PTK2: variants seen among roughly 807,000 people sequenced by gnomAD.
PTK2 encodes the protein protein tyrosine kinase 2, also known as focal adhesion kinase 1.
Under a neutral mutation model 150.1 loss-of-function variants are expected in PTK2, and 45 were observed. The ratio of observed to expected loss-of-function variants is 0.30; its 90% CI spans 0.24 to 0.38. PTK2 has a LOEUF of 0.38. Among genes scored for constraint, PTK2 ranks in the 10% least tolerant of loss-of-function variants. The probability of loss-of-function intolerance (pLI) is 1.00; values close to 1 mark genes in which losing one functional copy is unlikely to be tolerated. For missense variants in PTK2, 919 were observed against 1,307.3 expected, an observed-to-expected ratio of 0.70 and a Z score of 4.58; for synonymous variants, 432 against 449.2, an observed-to-expected ratio of 0.96 and a Z score of 0.48.
At chr8:140,804,412 C>T (rs2100097108) in intron 10 of PTK2, among the ~76,000 whole-genome samples, 1 of 151,296 alleles carries the variant, frequency 6.6e-6, no homozygotes. Flanking sequence ...ATAGTGAGAC[C>T]CTTTCTCTAC....
rs1011479233 is a variant in PTK2 at position 140,957,301 on chromosome 8, G to A, written c.-121-31552C>T. 3.9e-5 allele frequency among the ~76,000 whole-genome samples: 6 copies of A among 152,172 alleles called. No homozygotes were observed. The East Asian group carries it at 5.8e-4, about 15-fold the overall frequency. The stretch of plus-strand genomic sequence containing the variant: ...AAATTAGCTGGGCATGGTGGCACAC[G>A]CATGTAGTCTCAGCTACTTGGGAAG... On this transcript the variant is annotated intron_variant, in intron 1 of 31. Coordinates refer to ENST00000522684, the Ensembl canonical transcript of PTK2.
At chr8:140,717,514 C>T in intron 23 of PTK2, 84 bp downstream of exon 26, 1 of 1,039,722 alleles carries the variant, frequency 9.6e-7, no homozygotes, top group Middle Eastern at 2.0e-4. Flanking sequence ...ATTTGACTTT[C>T]TCCTCATAGA....
intron 2 of PTK2, among the ~76,000 whole-genome samples, chr8:140,909,856 T>C (rs879796974): frequency 2.6e-5 from 4 of 152,210 alleles, no homozygotes; most frequent in Admixed American, 2.0e-4. Flanking sequence ...CATATCTTTA[T>C]GAATGCTTGT....
chr8:140,836,623 T>C lies in PTK2; in HGVS notation c.594-6097A>G, dbSNP rs754512793. 1.9e-3 allele frequency among the ~76,000 whole-genome samples: 297 copies of C among 152,320 alleles called. 7 individuals carry two copies. The highest frequency in any genetic ancestry group is 1.5e-4 in the Non-Finnish European group (10 of 68,032). ...GTAGCTAAAGGATGCAATTGACTAC[T>C]GTTGACAAGAAAAATGAAAACAAGT... is the stretch of plus-strand genomic sequence containing the variant. On this transcript the variant is annotated intron_variant, in intron 7 of 31. Coordinates refer to ENST00000522684, the Ensembl canonical transcript of PTK2.
intron 2 of PTK2, among the ~76,000 whole-genome samples, chr8:140,903,572 G>A (rs758481848): frequency 6.6e-6 from 1 of 152,052 alleles, no homozygotes; most frequent in Non-Finnish European, 1.5e-5. Flanking sequence ...GGACAGCATC[G>A]AATCTATAAA....
At chr8:140,825,282 C>T (rs1055974884) in intron 8 of PTK2, among the ~76,000 whole-genome samples, 5 of 152,300 alleles carry the variant, frequency 3.3e-5, no homozygotes, top group African/African-American at 1.2e-4. Context: ...TCCTGGCATA[C>T]AGCAGATAAC....
chr8:140,824,799 G>A (rs2100110904), intron 8 of PTK2, among the ~76,000 whole-genome samples: 2 of 152,200 alleles, frequency 1.3e-5, no homozygotes, highest in Non-Finnish European at 2.9e-5. Flanking sequence ...TGCATTTCAA[G>A]TTTGAACACC....
At chr8:140,723,509 A>C (rs1012380112) in intron 22 of PTK2, among the ~76,000 whole-genome samples, 3 of 152,236 alleles carry the variant, frequency 2.0e-5, no homozygotes, top group Non-Finnish European at 4.4e-5. Context: ...GACAGTACTG[A>C]ACTTTTCTCT....
At chr8:140,987,157 CAAAAA>C (rs1015158262) in intron 1 of PTK2, among the ~76,000 whole-genome samples, 1 of 151,958 alleles carries the variant, frequency 6.6e-6, no homozygotes, top group African/African-American at 2.4e-5. Flanking sequence ...TCTCAAAACC[CAAAAA>C]AATGGAGGAA....
At chr8:141,000,087 T>TCTCACACACACA (rs765058833) in intron 1 of PTK2, among the ~76,000 whole-genome samples, 2 of 81,608 alleles carry the variant, frequency 2.5e-5, no homozygotes, top group African/African-American at 7.1e-5. Flanking sequence ...TGAAACCAAT[T>TCTCACACACACA]CACACACACA....
chr8:140,785,688 C>T (rs1340345124), intron 14 of PTK2, among the ~76,000 whole-genome samples: 2 of 152,094 alleles, frequency 1.3e-5, no homozygotes, highest in Non-Finnish European at 2.9e-5. Flanking sequence ...TCAAATTGCT[C>T]ATGACAGGCA....
At chr8:140,742,236 A>G (rs1414808638) in intron 20 of PTK2, among the ~76,000 whole-genome samples, 1 of 152,214 alleles carries the variant, frequency 6.6e-6, no homozygotes, top group African/African-American at 2.4e-5. Context: ...CACTGAGGCA[A>G]TCAATACAAC....
At chr8:140,796,981 T>C (rs1276104936) in intron 12 of PTK2, among the ~76,000 whole-genome samples, 1 of 152,172 alleles carries the variant, frequency 6.6e-6, no homozygotes, top group Non-Finnish European at 1.5e-5. Context: ...CATTTATTAA[T>C]TTTTGCTCAT....
At chr8:140,911,731 T>C (rs2100163261) in intron 2 of PTK2, among the ~76,000 whole-genome samples, 1 of 117,110 alleles carries the variant, frequency 8.5e-6, no homozygotes, top group African/African-American at 2.6e-5. Flanking sequence ...ACTATTGCTA[T>C]CACTATAATG....
intron 12 of PTK2, among the ~76,000 whole-genome samples, chr8:140,797,708 T>C (rs1310503892): frequency 1.3e-5 from 2 of 152,218 alleles, no homozygotes; most frequent in Non-Finnish European, 2.9e-5. Context: ...GGTTAGATAA[T>C]GCCCTACAGA....
At chr8:140,997,497 G>A (rs532010138) in intron 1 of PTK2, among the ~76,000 whole-genome samples, 1 of 152,304 alleles carries the variant, frequency 6.6e-6, no homozygotes, top group East Asian at 1.9e-4. Flanking sequence ...CCTAATTGTT[G>A]TCTTATTTTA....
At chr8:140,921,365 T>C (rs2154608283) in intron 2 of PTK2, 1 of 171,478 alleles carries the variant, frequency 5.8e-6, no homozygotes, top group Middle Eastern at 2.5e-3. Context: ...CAACCGATTC[T>C]AAAATTGAGT....
At chr8:140,681,402 C>G (rs749123845) in intron 27 of PTK2, among the ~76,000 whole-genome samples, 7 of 151,082 alleles carry the variant, frequency 4.6e-5, no homozygotes, top group Non-Finnish European at 8.8e-5. Context: ...CCTAACATCA[C>G]GCCCTGAGGA....
At chr8:140,706,362 C>A (rs951901834) in intron 23 of PTK2, among the ~76,000 whole-genome samples, 157 bp from the exon 27 acceptor site, 4 of 152,184 alleles carry the variant, frequency 2.6e-5, no homozygotes, top group African/African-American at 9.7e-5. Context: ...GTCTTTTCAA[C>A]AAATGATGCT....
Sources: allele counts gnomAD v4.1 joint callset (sites outside exome capture counted in the v4.1 genomes callset), GRCh38; gene constraint gnomAD v4.1.1; transcripts MANE v1.5; gene names NCBI Gene and HGNC (gene_info 2026-07-23, HGNC 2026-07-21).